The following GALNTL6 variants were observed in gnomAD, a reference collection of about 807,000 sequenced individuals.
The protein encoded by GALNTL6 is polypeptide N-acetylgalactosaminyltransferase like 6.
GALNTL6 carries 46 observed loss-of-function variants against 73.7 expected under a neutral mutation model. The observed-to-expected ratio is 0.62, with a 90% CI of 0.49 to 0.80. The LOEUF is 0.80. GALNTL6 is among the 30% of genes least tolerant of loss of function. The probability of loss-of-function intolerance (pLI) is 0.00; values close to 1 mark genes in which losing one functional copy is unlikely to be tolerated. For synonymous variants in GALNTL6, 259 were observed against 263.7 expected (o/e 0.98, Z 0.17); for missense variants, 604 against 755.0 (o/e 0.80, Z 2.34).
At chr4:172,638,342 C>T (rs1338348955) in intron 5 of GALNTL6, among the ~76,000 whole-genome samples, 3 of 152,084 alleles carry the variant, frequency 2.0e-5, no homozygotes, top group Non-Finnish European at 2.9e-5. Context: ...GTCAAAAGCA[C>T]ATATCCCTGT....
At chr4:172,111,070 C>T (rs552520130) in intron 2 of GALNTL6, among the ~76,000 whole-genome samples, 2 of 152,090 alleles carry the variant, frequency 1.3e-5, no homozygotes, top group Admixed American at 6.5e-5. Context: ...AAAGAGCCCT[C>T]TTCTCACAGG....
chr4:171,848,056 C>T (rs1022948004), intron 2 of GALNTL6, among the ~76,000 whole-genome samples: 1 of 152,116 alleles, frequency 6.6e-6, no homozygotes, highest in African/African-American at 2.4e-5. Context: ...AAATGTGTTT[C>T]TTAAATAATA....
chr4:172,229,585 C>G, intron 2 of GALNTL6, 71 bp from the exon 3 acceptor site: 1 of 828,752 alleles, frequency 1.2e-6, no homozygotes, highest in Non-Finnish European at 2.0e-6. Flanking sequence ...TATTATGTGC[C>G]CGGCTGTGTT....
intron 2 of GALNTL6, among the ~76,000 whole-genome samples, chr4:172,163,387 C>T (rs1199875411): frequency 6.6e-6 from 1 of 151,920 alleles, no homozygotes; most frequent in African/African-American, 2.4e-5. Flanking sequence ...ACTGTACAAA[C>T]ATAGATAACT....
At chr4:171,874,079 C>T (rs1364786517) in intron 2 of GALNTL6, among the ~76,000 whole-genome samples, 3 of 152,156 alleles carry the variant, frequency 2.0e-5, no homozygotes, top group African/African-American at 4.8e-5. Flanking sequence ...CTATTAACTT[C>T]CTCCTTTTGC....
chr4:172,825,255 T>C lies in GALNTL6; in HGVS notation c.923+11532T>C, dbSNP rs372643831. 1.3e-4 allele frequency among the ~76,000 whole-genome samples: 20 copies of C among 152,002 alleles called. No individual in the cohort carries two copies. The East Asian group carries it at 3.9e-3, about 29-fold the overall frequency. On this transcript the variant is annotated intron_variant, in intron 7 of 12. Transcript: ENST00000506823. ...ATGAAAATGAGACAAAATGGAGTCT[T>C]GCGGGAGGGAGGGAGATTATATGGC...
intron 2 of GALNTL6, among the ~76,000 whole-genome samples, chr4:172,094,447 G>A (rs1732293007): frequency 6.6e-6 from 1 of 151,806 alleles, no homozygotes; most frequent in Admixed American, 6.6e-5. Context: ...CTCAAAATTG[G>A]GGAAAAAACT....
intron 2 of GALNTL6, among the ~76,000 whole-genome samples, chr4:171,946,802 TGG>T: frequency 6.6e-6 from 1 of 151,556 alleles, no homozygotes; most frequent in Admixed American, 6.7e-5. Context: ...GAAAAGGATT[TGG>T]CATGTTAGAG....
At chr4:172,178,234 C>T (rs1256954851) in intron 2 of GALNTL6, among the ~76,000 whole-genome samples, 1 of 152,000 alleles carries the variant, frequency 6.6e-6, no homozygotes, top group Non-Finnish European at 1.5e-5. Flanking sequence ...CAGCGCCTGA[C>T]AAATATATCA....
At chr4:172,284,666 T>C (rs1019032636) in intron 3 of GALNTL6, among the ~76,000 whole-genome samples, 4 of 152,208 alleles carry the variant, frequency 2.6e-5, no homozygotes, top group African/African-American at 9.6e-5. Context: ...TTTTTGTGTA[T>C]GGTGAGAGAT....
At chr4:172,798,381 C>T (rs191901358) in intron 5 of GALNTL6, among the ~76,000 whole-genome samples, 162 of 152,232 alleles carry the variant, frequency 1.1e-3, no homozygotes, top group African/African-American at 3.1e-3. Flanking sequence ...TGGTGCTGTT[C>T]TCATGATGGT....
At chr4:172,380,193 G>T (rs1198948166) in intron 5 of GALNTL6, 2 of 1,013,240 alleles carry the variant, frequency 2.0e-6, no homozygotes, top group Non-Finnish European at 3.1e-6. Context: ...CGGATCTGCA[G>T]GGCTGGGGAC....
intron 7 of GALNTL6, among the ~76,000 whole-genome samples, chr4:172,837,259 G>A (rs1356434446): frequency 6.6e-6 from 1 of 152,072 alleles, no homozygotes; most frequent in Non-Finnish European, 1.5e-5. Flanking sequence ...AAATATTTGT[G>A]GTCCAGGATT....
chr4:172,507,068 C>T (rs1180351863), intron 5 of GALNTL6, among the ~76,000 whole-genome samples: 1 of 55,146 alleles, frequency 1.8e-5, no homozygotes, highest in African/African-American at 4.5e-5. Flanking sequence ...AAAAAGGGTA[C>T]GATCTAATGC....
At chr4:172,154,094 C>T (rs1371619998) in intron 2 of GALNTL6, among the ~76,000 whole-genome samples, 3 of 147,892 alleles carry the variant, frequency 2.0e-5, no homozygotes, top group East Asian at 2.0e-4. Flanking sequence ...TAGGAAATTA[C>T]TACTCACTGC....
chr4:172,866,888 CTT>C (rs560388811), intron 7 of GALNTL6, among the ~76,000 whole-genome samples: 45 of 152,160 alleles, frequency 3.0e-4, no homozygotes, highest in Non-Finnish European at 6.0e-4. Context: ...CAATCAAAAA[CTT>C]AGTGCATTCT....
chr4:171,892,206 T>C (rs1222581932), intron 2 of GALNTL6, among the ~76,000 whole-genome samples: 1 of 152,118 alleles, frequency 6.6e-6, no homozygotes, highest in African/African-American at 2.4e-5. Flanking sequence ...TATTCCAAAG[T>C]CCAAAAAGAT....
intron 5 of GALNTL6, among the ~76,000 whole-genome samples, chr4:172,394,262 A>G (rs1457468326): frequency 1.3e-5 from 2 of 152,192 alleles, no homozygotes; most frequent in African/African-American, 4.8e-5. Flanking sequence ...ATTTTCAAAC[A>G]TATAACAAAA....
At chr4:172,493,950 T>G (rs980739632) in intron 5 of GALNTL6, among the ~76,000 whole-genome samples, 1 of 152,148 alleles carries the variant, frequency 6.6e-6, no homozygotes. Flanking sequence ...TTGGATCACC[T>G]TAAACTCTCT....
Sources: allele counts gnomAD v4.1 joint callset (sites outside exome capture counted in the v4.1 genomes callset), GRCh38; gene constraint gnomAD v4.1.1; transcripts MANE v1.5; gene names NCBI Gene and HGNC (gene_info 2026-07-23, HGNC 2026-07-21).